The following CD1C variants were observed in gnomAD, a reference collection of about 807,000 sequenced individuals.
CD1C encodes the protein T-cell surface glycoprotein CD1c.
A neutral mutation model predicts 39.4 loss-of-function variants in CD1C; 47 were observed. The ratio of observed to expected loss-of-function variants is 1.19; its 90% CI spans 0.94 to 1.52. CD1C has a LOEUF of 1.52. Ranked by LOEUF, CD1C falls within the 40% of genes most tolerant of loss-of-function variation. The pLI is 0.00. For missense variants in CD1C, 417 were observed against 395.2 expected, an observed-to-expected ratio of 1.06 and a Z score of -0.47; for synonymous variants, 165 against 150.8, an observed-to-expected ratio of 1.09 and a Z score of -0.69.
chr1:158,292,923 G>C (rs778428678), intron 4 of CD1C, 49 bp downstream of exon 4: 2 of 1,581,628 alleles, frequency 1.3e-6, no homozygotes, highest in Non-Finnish European at 1.7e-6. Flanking sequence ...GAGCCTAGAG[G>C]TTAGGGGAGA....
Position 158,292,428 on chromosome 1 carries a change from A to G in CD1C, c.610+63A>G. The G allele has an allele frequency of 2.0e-6, 3 of 1,537,786 alleles. No homozygotes were observed. The African/African-American group carries it at 4.1e-5, about 21-fold the overall frequency. On this transcript the variant is annotated intron_variant, in intron 3 of 5. Coordinates refer to ENST00000368170, the MANE Select transcript of CD1C (RefSeq NM_001765.3). ...TTCAAGTACTGCCCCTTCTGTTCCCACCCTTCAAACTCAGGACAAGAAAGA... is the reference window on the plus strand; with the variant it reads ...TTCAAGTACTGCCCCTTCTGTTCCCGCCCTTCAAACTCAGGACAAGAAAGA...
In CD1C at chr1:158,294,171, A is replaced by G. The variant is rs1266993643; in HGVS notation, c.*695A>G. Reference sequence around the variant, plus strand: ...TTACATGTGATGATCAGTGGTGCAGATATGTCACAGAATACTTAAGAAAAG... The same window carrying G: ...TTACATGTGATGATCAGTGGTGCAGGTATGTCACAGAATACTTAAGAAAAG... On this transcript the variant is annotated 3_prime_UTR_variant, in exon 6 of 6. Transcript: ENST00000368170. Among the ~76,000 whole-genome samples the G allele has an allele frequency of 6.6e-6, 1 of 152,242 alleles. No homozygotes were observed. The highest frequency in any genetic ancestry group is 1.5e-5 in the Non-Finnish European group (1 of 68,042).
intron 4 of CD1C, 122 bp from the exon 5 acceptor site, chr1:158,293,090 G>T: frequency 1.1e-6 from 1 of 935,362 alleles, no homozygotes; most frequent in South Asian, 1.6e-5. Context: ...GGAATAGAGT[G>T]ACTGAAATAG....
chr1:158,289,961 T>G lies in CD1C; in HGVS notation c.-104T>G. On this transcript the variant is annotated 5_prime_UTR_variant, in exon 1 of 6. Coordinates refer to ENST00000368170, the MANE Select transcript of CD1C (RefSeq NM_001765.3). ...TGCTGTCAGCGGCTGATGGGGAAGA[T>G]TGTTGGTAGAAGGAAGTCAGAATAT... 1 of 1,006,938 alleles carries G rather than the reference T, an allele frequency of 9.9e-7. No individual in the cohort carries two copies. The highest frequency in any genetic ancestry group is 1.5e-6 in the Non-Finnish European group (1 of 656,726). 62.4% of individuals were successfully genotyped at this position (1,006,938 alleles called of 1,614,324 possible). A position where few individuals can be genotyped will look rare whatever the true frequency, so the allele number is the denominator to read the frequency against.
intron 4 of CD1C, 49 bp from the exon 5 acceptor site, chr1:158,293,163 T>G: frequency 7.4e-7 from 1 of 1,358,826 alleles, no homozygotes; most frequent in Non-Finnish European, 1.0e-6. Flanking sequence ...TGGAATAGAA[T>G]CAGCAGTGAG....
rs755119731 is a variant in CD1C at position 158,292,352 on chromosome 1, T to C, written c.597T>C (p.Tyr199=). The C allele has an allele frequency of 3.1e-6, 5 of 1,613,742 alleles. No individual in the cohort carries two copies. The highest frequency in any genetic ancestry group is 4.2e-6 in the Non-Finnish European group (5 of 1,179,888). The stretch of plus-strand genomic sequence containing the variant: ...GTCTCCTGGATGCAGGGAAGATGTA[T>C]GTACACAGGCAAGGTCAGTAGTTTC... ...LLGLLDAGKM[Y]VHRQVRPEAW... is the part of the protein sequence containing the mutation. The change falls in exon 3 of 6, where the codon TAT becomes TAC. Residue 199 remains tyrosine (Y), a synonymous_variant. Coordinates refer to ENST00000368170, the MANE Select transcript of CD1C (RefSeq NM_001765.3).
intron 1 of CD1C, 143 bp downstream of exon 1, chr1:158,290,268 T>C: frequency 3.0e-6 from 2 of 675,234 alleles, no homozygotes; most frequent in Non-Finnish European, 5.1e-6. Context: ...TTTTGGAGGA[T>C]GGTGGCAGAG....
chr1:158,291,946 T>A, intron 2 of CD1C, 138 bp from the exon 3 acceptor site: 1 of 815,562 alleles, frequency 1.2e-6, no homozygotes, highest in Non-Finnish European at 1.9e-6. Context: ...CTCTTGTTTC[T>A]GATCAAATAT....
rs887616888 is a variant in CD1C, at chr1:158,293,923, C to T, written c.*447C>T. ...TAAGTTGGATTAACTGTCATGTTGACAATTTTTCTCATTATATTCCTTCCC... is the reference window on the plus strand; with the variant it reads ...TAAGTTGGATTAACTGTCATGTTGATAATTTTTCTCATTATATTCCTTCCC... On this transcript the variant is annotated 3_prime_UTR_variant, in exon 6 of 6. Transcript: ENST00000368170. Among the ~76,000 whole-genome samples, 23 of 152,284 alleles carry T rather than the reference C, an allele frequency of 1.5e-4. No individual in the cohort carries two copies. The highest frequency in any genetic ancestry group is 5.5e-4 in the African/African-American group (23 of 41,558).
rs1651024999 is a variant in CD1C, at chr1:158,291,171, C to A, written c.99C>A (p.Ile33=). The change falls in exon 2 of 6, where the codon ATC becomes ATA. Residue 33 remains isoleucine (I), a synonymous_variant. Transcript: ENST00000368170. Reference sequence around the variant, plus strand: ...ACGTCTCCTTCCATGTCATCCAGATCTTCTCATTTGTCAACCAATCCTGGG... The same window carrying A: ...ACGTCTCCTTCCATGTCATCCAGATATTCTCATTTGTCAACCAATCCTGGG... ...QEHVSFHVIQ[I]FSFVNQSWAR... 1.2e-6 allele frequency: 2 copies of A among 1,613,070 alleles called. No homozygotes were observed. Among genetic ancestry groups the A allele is most frequent in the Non-Finnish European group, 1.7e-6 (2 of 1,179,868 alleles).
At chr1:158,290,220 G>A (rs1571142182) in intron 1 of CD1C, 95 bp downstream of exon 1, 2 of 1,120,434 alleles carry the variant, frequency 1.8e-6, no homozygotes, top group East Asian at 2.4e-5. Flanking sequence ...CAGAATGCTT[G>A]CCATCTGAGC....
In CD1C at chr1:158,292,363, A is replaced by T; in HGVS notation, c.608A>T (p.Gln203Leu). The change falls in exon 3 of 6, where the codon CAA becomes CTA. Residue 203 changes from glutamine (Q) to leucine (L), a missense_variant and splice_region_variant. Gln to Leu is a moderately radical substitution (Grantham distance 113, BLOSUM62 -2). Coordinates refer to ENST00000368170, the MANE Select transcript of CD1C (RefSeq NM_001765.3). ...LDAGKMYVHR[Q>L]VRPEAWLSSR... ...GCAGGGAAGATGTATGTACACAGGC[A>T]AGGTCAGTAGTTTCAGCCCCTTCCT... The T allele has an allele frequency of 6.2e-7, 1 of 1,612,456 alleles. No individual in the cohort carries two copies. Among genetic ancestry groups the T allele is most frequent in the Non-Finnish European group, 8.5e-7 (1 of 1,179,240 alleles).
chr1:158,291,002 G>T (rs1651014048), intron 1 of CD1C, 132 bp from the exon 2 acceptor site: 1 of 966,250 alleles, frequency 1.0e-6, no homozygotes, highest in Non-Finnish European at 1.5e-6. Flanking sequence ...CTCTGTGTAA[G>T]GAAAATGGTA....
At position 158,293,298 on chromosome 1, in the gene CD1C, C is replaced by T; in HGVS notation, c.976C>T (p.His326Tyr). ...LIVLVLWFKK[H>Y]CSYQDIL ...AGTCCTTGTGTTATGGTTTAAGAAG[C>T]ACTGGTGAGTTTTTTGTATTTCCTC... Residue 326 changes from histidine to tyrosine, a missense_variant, in exon 5 of 6, where the codon CAC becomes TAC. By Grantham distance (83) the His-to-Tyr change is moderately conservative (BLOSUM62 2). Transcript: ENST00000368170. 1 of 1,613,062 alleles carries T rather than the reference C, an allele frequency of 6.2e-7. No homozygotes were observed. The highest frequency in any genetic ancestry group is 8.5e-7 in the Non-Finnish European group (1 of 1,179,184).
Position 158,292,587 on chromosome 1 carries a change from T to C in CD1C, c.611-9T>C, listed in dbSNP as rs1029000417. The C allele has an allele frequency of 6.2e-7, 1 of 1,611,154 alleles. No individual in the cohort carries two copies. Among genetic ancestry groups the C allele is most frequent in the Non-Finnish European group, 8.5e-7 (1 of 1,179,228 alleles). On this transcript the variant is annotated splice_polypyrimidine_tract_variant and intron_variant, in intron 3 of 5. Coordinates refer to ENST00000368170, the MANE Select transcript of CD1C (RefSeq NM_001765.3). ...TTCTTCATCAGAACACTTTTTCTGC[T>C]CTCTGCAGTGAGGCCAGAAGCCTGG...
At chr1:158,292,059 T>C (rs1395458129) in intron 2 of CD1C, 25 bp from the exon 3 acceptor site, 4 of 1,589,408 alleles carry the variant, frequency 2.5e-6, no homozygotes, top group Non-Finnish European at 3.4e-6. Context: ...TTTGAACTCT[T>C]TTTCTCATTC....
chr1:158,291,234 G>A lies in CD1C; in HGVS notation c.162G>A (p.Gln54=). The change falls in exon 2 of 6, where the codon CAG becomes CAA. Residue 54 remains glutamine, a synonymous_variant. Transcript: ENST00000368170. ...GCTCAGGATGGCTGGACGAGTTGCAGACTCATGGCTGGGACAGTGAATCAG... is the reference window on the plus strand; with the variant it reads ...GCTCAGGATGGCTGGACGAGTTGCAAACTCATGGCTGGGACAGTGAATCAG... ...GQGSGWLDEL[Q]THGWDSESGT... The A allele has an allele frequency of 6.2e-7, 1 of 1,614,076 alleles. No homozygotes were observed. The highest frequency in any genetic ancestry group is 8.5e-7 in the Non-Finnish European group (1 of 1,180,012).
At position 158,294,086 on chromosome 1, in the gene CD1C, G is replaced by T; in HGVS notation, c.*610G>T. On this transcript the variant is annotated 3_prime_UTR_variant, in exon 6 of 6. Transcript: ENST00000368170. ...AAGGAAAAGTGCAGCCTTGTGCCTT[G>T]ATACACTTATTTTCTAAACACAGAG... 6.6e-6 allele frequency among the ~76,000 whole-genome samples: 1 copy of T among 152,146 alleles called. No homozygotes were observed. Among genetic ancestry groups the T allele is most frequent in the Admixed American group, 6.5e-5 (1 of 15,278 alleles).
intron 1 of CD1C, 144 bp from the exon 2 acceptor site, chr1:158,290,990 G>T: frequency 1.2e-6 from 1 of 824,120 alleles, no homozygotes; most frequent in East Asian, 2.7e-5. Flanking sequence ...CAGAGCATGG[G>T]GCTCTGTGTA....
Sources: allele counts gnomAD v4.1 joint callset (sites outside exome capture counted in the v4.1 genomes callset), GRCh38; gene constraint gnomAD v4.1.1; transcripts MANE v1.5; gene names NCBI Gene and HGNC (gene_info 2026-07-23, HGNC 2026-07-21).